Variants in GTF2IRD1 observed in about 807,000 individuals in gnomAD.
GTF2IRD1 encodes GTF2I repeat domain containing 1, also known as general transcription factor II-I repeat domain-containing protein 1.
A neutral mutation model predicts 113.2 loss-of-function variants in GTF2IRD1; 26 were observed. That is an observed-to-expected ratio of 0.23 (90% CI 0.17 to 0.32). The LOEUF (loss-of-function observed/expected upper bound fraction) is 0.32, where lower values mean the gene tolerates loss of function less well. GTF2IRD1 is among the 10% of genes least tolerant of loss of function. The probability of loss-of-function intolerance (pLI) is 1.00; values close to 1 mark genes in which losing one functional copy is unlikely to be tolerated. For synonymous variants in GTF2IRD1, 484 were observed against 529.1 expected (o/e 0.91, Z 1.17); for missense variants, 864 against 1,280.8 (o/e 0.67, Z 4.97).
At chr7:74,463,308 T>C (rs1793499067) in intron 1 of GTF2IRD1, among the ~76,000 whole-genome samples, 1 of 152,094 alleles carries the variant, frequency 6.6e-6, no homozygotes. Flanking sequence ...CAATCATAGC[T>C]TGCTGCAGTC....
intron 25 of GTF2IRD1, among the ~76,000 whole-genome samples, chr7:74,596,479 AAAAG>A (rs1452036651): frequency 2.7e-5 from 4 of 150,680 alleles, no homozygotes; most frequent in African/African-American, 7.3e-5. Context: ...AAAAAAAAGA[AAAAG>A]AAAAAAAAAA....
At chr7:74,499,914 GCA>G (rs782326797) in intron 1 of GTF2IRD1, among the ~76,000 whole-genome samples, 53 of 152,276 alleles carry the variant, frequency 3.5e-4, no homozygotes, top group Non-Finnish European at 5.4e-4. Flanking sequence ...GTCAATGAAT[GCA>G]CACACACAGG....
intron 1 of GTF2IRD1, among the ~76,000 whole-genome samples, chr7:74,492,701 A>G (rs1331612495): frequency 1.3e-5 from 2 of 151,766 alleles, no homozygotes; most frequent in Non-Finnish European, 2.9e-5. Flanking sequence ...CTGGAGGCCA[A>G]AGGTCCAAAA....
intron 1 of GTF2IRD1, among the ~76,000 whole-genome samples, chr7:74,466,212 C>G (rs546138127): frequency 2.6e-5 from 4 of 152,032 alleles, no homozygotes; most frequent in African/African-American, 9.7e-5. Flanking sequence ...TGTTCTGGGG[C>G]GGGGGCTACC....
At chr7:74,577,286 G>A (rs1302582285) in intron 22 of GTF2IRD1, among the ~76,000 whole-genome samples, 13 of 152,096 alleles carry the variant, frequency 8.5e-5, no homozygotes, top group African/African-American at 3.1e-4. Flanking sequence ...CGATCCACCC[G>A]CCTCAGCCTC....
At chr7:74,568,666 GAAGAAA>G (rs1554361620) in intron 22 of GTF2IRD1, among the ~76,000 whole-genome samples, 1 of 152,012 alleles carries the variant, frequency 6.6e-6, no homozygotes, top group African/African-American at 2.4e-5. Context: ...AGAAGAAGAA[GAAGAAA>G]AAGAAAGAAA....
intron 7 of GTF2IRD1, among the ~76,000 whole-genome samples, chr7:74,522,318 G>A (rs1351093242): frequency 1.3e-5 from 2 of 151,932 alleles, no homozygotes; most frequent in African/African-American, 2.4e-5. Flanking sequence ...TTGGGATTCA[G>A]TTATACCAAG....
At chr7:74,547,607 T>C (rs1799024583) in intron 17 of GTF2IRD1, among the ~76,000 whole-genome samples, 1 of 151,578 alleles carries the variant, frequency 6.6e-6, no homozygotes, top group African/African-American at 2.4e-5. Flanking sequence ...CCCGGCTAAT[T>C]TTTGTATTTT....
intron 1 of GTF2IRD1, among the ~76,000 whole-genome samples, chr7:74,483,403 T>C (rs190554444): frequency 1.3e-5 from 2 of 151,948 alleles, no homozygotes; most frequent in East Asian, 1.9e-4. Flanking sequence ...TTTAATTAGC[T>C]GGGCATGGTG....
intron 11 of GTF2IRD1, among the ~76,000 whole-genome samples, chr7:74,537,358 AGCCAAGATTGT>A: frequency 6.6e-6 from 1 of 152,028 alleles, no homozygotes; most frequent in South Asian, 2.1e-4. Flanking sequence ...GGTTGCAGTG[AGCCAAGATTGT>A]GCCACTGCAC....
chr7:74,463,801 A>T (rs1464882996), intron 1 of GTF2IRD1, among the ~76,000 whole-genome samples: 7 of 151,028 alleles, frequency 4.6e-5, no homozygotes, highest in Admixed American at 2.6e-4. Context: ...ACGGCTCACT[A>T]CAACCTCCGC....
At chr7:74,538,258 A>C in intron 12 of GTF2IRD1, 85 bp downstream of exon 12, 69 of 1,356,662 alleles carry the variant, frequency 5.1e-5, no homozygotes, top group Non-Finnish European at 6.4e-5. Flanking sequence ...GGAGGAGCTC[A>C]ACTCAGCCCA....
intron 1 of GTF2IRD1, among the ~76,000 whole-genome samples, chr7:74,492,452 G>A (rs1232535225): frequency 6.6e-6 from 1 of 151,782 alleles, no homozygotes; most frequent in African/African-American, 2.4e-5. Flanking sequence ...TTACTGGTGT[G>A]AGCCACCACG....
chr7:74,564,103 T>C (rs1346136331), intron 22 of GTF2IRD1, among the ~76,000 whole-genome samples: 2 of 150,658 alleles, frequency 1.3e-5, no homozygotes, highest in African/African-American at 4.9e-5. Flanking sequence ...CTTGGCTCAC[T>C]GCAACCTCCA....
chr7:74,474,202 C>T (rs1406341499), intron 1 of GTF2IRD1, among the ~76,000 whole-genome samples: 2 of 152,172 alleles, frequency 1.3e-5, no homozygotes, highest in East Asian at 3.9e-4. Flanking sequence ...CGAGGTCGTG[C>T]CACTGCACTC....
chr7:74,598,697 G>C (rs1802566796), intron 25 of GTF2IRD1, among the ~76,000 whole-genome samples: 1 of 152,010 alleles, frequency 6.6e-6, no homozygotes, highest in Admixed American at 6.6e-5. Context: ...ATGCCCAGAG[G>C]GTGGATACTG....
chr7:74,514,400 C>T (rs1584567900), intron 3 of GTF2IRD1, among the ~76,000 whole-genome samples: 1 of 152,256 alleles, frequency 6.6e-6, no homozygotes, highest in Non-Finnish European at 1.5e-5. Flanking sequence ...GGTCGTGTGG[C>T]ACCCCAGCCG....
At chr7:74,591,932 G>GT (rs1167078776) in intron 24 of GTF2IRD1, among the ~76,000 whole-genome samples, 167 of 142,664 alleles carry the variant, frequency 1.2e-3, no homozygotes, top group Middle Eastern at 3.7e-3. Flanking sequence ...GGGTGGCCCA[G>GT]TTTTTTTTTT....
chr7:74,514,881 A>AC lies in GTF2IRD1; in HGVS notation c.266-556dup, dbSNP rs367947117. On this transcript the variant is annotated intron_variant, in intron 3 of 26. Coordinates refer to ENST00000424337, the MANE Select transcript of GTF2IRD1 (RefSeq NM_005685.4). ...AGACCAGCCTGGCCAACATGGTGAG[A>AC]CCCCATCTCTACTAAAAATACAAAA... is the stretch of plus-strand genomic sequence containing the variant. 1.7e-3 allele frequency among the ~76,000 whole-genome samples: 262 copies of AC among 151,742 alleles called. 2 individuals are homozygous for AC. Among genetic ancestry groups the AC allele is most frequent in the Non-Finnish European group, 1.2e-3 (81 of 67,876 alleles).
Sources: gnomAD v4.1 joint callset for allele counts (sites outside exome capture counted in the v4.1 genomes callset) on GRCh38, gnomAD v4.1.1 for gene constraint, MANE v1.5 for transcripts, NCBI Gene and HGNC (gene_info 2026-07-23, HGNC 2026-07-21) for gene names.